The following VKORC1L1 variants were observed in gnomAD, a reference collection of about 807,000 sequenced individuals.
The protein encoded by VKORC1L1 is vitamin K epoxide reductase complex subunit 1L1.
Under a neutral mutation model 18.9 loss-of-function variants are expected in VKORC1L1, and 2 were observed. That is an observed-to-expected ratio of 0.11 (90% CI 0.04 to 0.33). The LOEUF (loss-of-function observed/expected upper bound fraction) is 0.33, where lower values mean the gene tolerates loss of function less well. VKORC1L1 is among the 10% of genes least tolerant of loss of function. The pLI, the probability that VKORC1L1 is intolerant of heterozygous loss-of-function variation, is 1.00. For missense variants in VKORC1L1, 123 were observed against 224.1 expected (o/e 0.55, Z 2.88); for synonymous variants, 96 against 100.0 (o/e 0.96, Z 0.24).
chr7:65,900,492 T>C (rs1486181883), intron 1 of VKORC1L1, among the ~76,000 whole-genome samples: 1 of 152,022 alleles, frequency 6.6e-6, no homozygotes, highest in East Asian at 1.9e-4. Flanking sequence ...TTTGTTCCTC[T>C]GGTTGTATAC....
chr7:65,931,737 G>A (rs58330502), intron 1 of VKORC1L1, among the ~76,000 whole-genome samples: 20,344 of 152,030 alleles, frequency 0.13, 1,509 homozygotes, highest in South Asian at 0.21. Context: ...TGCCTCCCAG[G>A]TTCAAGGAAT....
chr7:65,902,351 G>T (rs1349944885), intron 1 of VKORC1L1, among the ~76,000 whole-genome samples: 3 of 152,200 alleles, frequency 2.0e-5, no homozygotes, highest in African/African-American at 7.2e-5. Flanking sequence ...AACATCTTGA[G>T]TTGGAAATAA....
intron 1 of VKORC1L1, among the ~76,000 whole-genome samples, chr7:65,948,379 C>T (rs969135099): frequency 2.1e-5 from 3 of 141,066 alleles, no homozygotes; most frequent in South Asian, 2.4e-4. Flanking sequence ...CATTGGAAAA[C>T]GAATACTTTG....
chr7:65,908,909 A>T (rs1198028387), intron 1 of VKORC1L1, among the ~76,000 whole-genome samples: 1 of 151,772 alleles, frequency 6.6e-6, no homozygotes, highest in Non-Finnish European at 1.5e-5. Context: ...AAAAATAAAT[A>T]AAAACATCAG....
At chr7:65,910,114 C>G (rs1789479331) in intron 1 of VKORC1L1, among the ~76,000 whole-genome samples, 1 of 152,114 alleles carries the variant, frequency 6.6e-6, no homozygotes, top group Non-Finnish European at 1.5e-5. Flanking sequence ...AGTTGGCTAA[C>G]AAGTTCACAT....
rs1405417205 is a variant in VKORC1L1, at chr7:65,880,285, G to A, written c.194+6720G>A. Among the ~76,000 whole-genome samples, 2 of 152,108 alleles carry A rather than the reference G, an allele frequency of 1.3e-5. 1 individual carries two copies. The highest frequency in any genetic ancestry group is 4.1e-4 in the South Asian group (2 of 4,830). ...TGTGACAAAAATATATAGAGTTTGT[G>A]GTATCACTTTTACCTGTTTAGAGCA... On this transcript the variant is annotated intron_variant, in intron 1 of 2. Coordinates refer to ENST00000360768, the MANE Select transcript of VKORC1L1 (RefSeq NM_173517.6).
In VKORC1L1 at chr7:65,958,529, T is replaced by C. The variant is rs945175617; in HGVS notation, c.*4229T>C. 5 of 152,232 alleles carry C rather than the reference T, an allele frequency of 3.3e-5. No individual in the cohort carries two copies. The highest frequency in any genetic ancestry group is 1.2e-4 in the African/African-American group (5 of 41,464). 9.4% of individuals were successfully genotyped at this position (152,232 alleles called of 1,614,324 possible). On this transcript the variant is annotated 3_prime_UTR_variant, in exon 3 of 3. Transcript: ENST00000360768. ...CATAACTTTTTTGGTATAAAATAAATGTAGAAGTTACCTGTGGAAGTTGTG... is the reference window on the plus strand; with the variant it reads ...CATAACTTTTTTGGTATAAAATAAACGTAGAAGTTACCTGTGGAAGTTGTG...
intron 1 of VKORC1L1, among the ~76,000 whole-genome samples, chr7:65,937,813 T>C (rs1188035447): frequency 1.3e-5 from 2 of 152,184 alleles, no homozygotes; most frequent in Admixed American, 1.3e-4. Flanking sequence ...CAGACACATA[T>C]GGATGTATGT....
intron 1 of VKORC1L1, among the ~76,000 whole-genome samples, chr7:65,908,535 G>A (rs1158252055): frequency 3.3e-5 from 5 of 151,720 alleles, no homozygotes; most frequent in Non-Finnish European, 5.9e-5. Context: ...TGAAGGCAGA[G>A]TTTTTAAAAT....
chr7:65,948,617 T>A (rs1790159104), intron 1 of VKORC1L1, 54 bp from the exon 2 acceptor site: 1 of 646,556 alleles, frequency 1.5e-6, no homozygotes, highest in Non-Finnish European at 2.5e-6. Context: ...AATGATACAT[T>A]TTTTAAAATA....
intron 1 of VKORC1L1, among the ~76,000 whole-genome samples, chr7:65,932,427 C>T (rs1049321068): frequency 6.6e-6 from 1 of 152,050 alleles, no homozygotes; most frequent in South Asian, 2.1e-4. Flanking sequence ...AAGGTGGTAG[C>T]TTGGAGTAAT....
chr7:65,897,549 GACTC>G (rs1369225069), intron 1 of VKORC1L1, among the ~76,000 whole-genome samples: 11 of 152,080 alleles, frequency 7.2e-5, no homozygotes, highest in Non-Finnish European at 1.5e-4. Flanking sequence ...CAACATGAAT[GACTC>G]ACAATCATAA....
At chr7:65,885,988 A>G (rs1252939698) in intron 1 of VKORC1L1, among the ~76,000 whole-genome samples, 1 of 152,212 alleles carries the variant, frequency 6.6e-6, no homozygotes, top group Non-Finnish European at 1.5e-5. Flanking sequence ...TCTTTCCATC[A>G]AGGAGCATAT....
intron 1 of VKORC1L1, among the ~76,000 whole-genome samples, chr7:65,942,853 C>G (rs941154408): frequency 2.6e-5 from 4 of 152,028 alleles, no homozygotes; most frequent in Admixed American, 2.0e-4. Context: ...GACCGTGCAA[C>G]TTGGTGTTGT....
At chr7:65,887,772 T>A (rs537862132) in intron 1 of VKORC1L1, among the ~76,000 whole-genome samples, 1 of 152,220 alleles carries the variant, frequency 6.6e-6, no homozygotes, top group African/African-American at 2.4e-5. Context: ...ATTGTAAGAA[T>A]GTATTGTGAT....
intron 1 of VKORC1L1, among the ~76,000 whole-genome samples, chr7:65,909,633 A>G (rs1409482239): frequency 6.7e-6 from 1 of 149,714 alleles, no homozygotes. Context: ...TTTATAAGGT[A>G]TTTGGTGATC....
At chr7:65,906,173 G>C (rs1254000354) in intron 1 of VKORC1L1, among the ~76,000 whole-genome samples, 1 of 151,668 alleles carries the variant, frequency 6.6e-6, no homozygotes, top group Non-Finnish European at 1.5e-5. Flanking sequence ...GGTGGCTCAT[G>C]CCTGTAATCC....
chr7:65,948,292 C>T (rs1790155124), intron 1 of VKORC1L1, among the ~76,000 whole-genome samples: 1 of 150,952 alleles, frequency 6.6e-6, no homozygotes, highest in Non-Finnish European at 1.5e-5. Context: ...CCCAAAATGT[C>T]AGTAGTCCAC....
At chr7:65,938,689 G>T (rs1789986452) in intron 1 of VKORC1L1, among the ~76,000 whole-genome samples, 1 of 152,180 alleles carries the variant, frequency 6.6e-6, no homozygotes, top group Admixed American at 6.5e-5. Context: ...TGAGGGATTT[G>T]TGGCCTTCAG....
Sources: gnomAD v4.1 joint callset for allele counts (sites outside exome capture counted in the v4.1 genomes callset) on GRCh38, gnomAD v4.1.1 for gene constraint, MANE v1.5 for transcripts, NCBI Gene and HGNC (gene_info 2026-07-23, HGNC 2026-07-21) for gene names.